The following GSTZ1 variants were observed in gnomAD, a reference collection of about 807,000 sequenced individuals.
GSTZ1 encodes the protein glutathione S-transferase zeta 1.
GSTZ1 carries 34 observed loss-of-function variants against 35.9 expected under a neutral mutation model. The ratio of observed to expected loss-of-function variants is 0.95; its 90% CI spans 0.72 to 1.26. The LOEUF (loss-of-function observed/expected upper bound fraction) is 1.26, where lower values mean the gene tolerates loss of function less well. Among genes scored for constraint, GSTZ1 ranks in the 50% most tolerant of loss-of-function variants. GSTZ1 has a pLI of 0.00. For synonymous variants in GSTZ1, 93 were observed against 101.2 expected, an observed-to-expected ratio of 0.92 and a Z score of 0.49; for missense variants, 263 against 271.7, an observed-to-expected ratio of 0.97 and a Z score of 0.23.
At chr14:77,322,033 A>G (rs539222835) in intron 1 of GSTZ1, among the ~76,000 whole-genome samples, 1 of 152,234 alleles carries the variant, frequency 6.6e-6, no homozygotes, top group African/African-American at 2.4e-5. Flanking sequence ...GCATGTTTTT[A>G]TAAGCGGTCT....
chr14:77,321,534 T>C lies in GSTZ1; in HGVS notation c.15+351T>C, dbSNP rs775091171. The C allele has an allele frequency of 2.3e-4, 306 of 1,304,824 alleles. 1 individual carries two copies. Among genetic ancestry groups the C allele is most frequent in the Non-Finnish European group, 3.8e-5 (39 of 1,013,136 alleles). 80.8% of individuals were successfully genotyped at this position (1,304,824 alleles called of 1,614,324 possible). A position where few individuals can be genotyped will look rare whatever the true frequency, so the allele number is the denominator to read the frequency against. On this transcript the variant is annotated intron_variant, in intron 1 of 8. Coordinates refer to ENST00000216465, the MANE Select transcript of GSTZ1 (RefSeq NM_145870.3). ...CAAGCCTCCCAATTTCTCGCAGCCC[T>C]TCATGCTCTTCTCTTGGCCCTAGCA...
intron 1 of GSTZ1, chr14:77,324,356 A>T: frequency 9.2e-6 from 5 of 540,820 alleles, no homozygotes; most frequent in Non-Finnish European, 1.7e-5. Context: ...CATGTTGGCC[A>T]GGCTGGTCTC....
chr14:77,329,941 C>A, intron 7 of GSTZ1, 134 bp downstream of exon 7: 1 of 723,542 alleles, frequency 1.4e-6, no homozygotes, highest in South Asian at 1.6e-5. Flanking sequence ...CCTCAGCTCA[C>A]TCCCACTAAA....
At chr14:77,328,975 G>C (rs1182931578) in intron 5 of GSTZ1, 148 bp from the exon 6 acceptor site, 5 of 678,404 alleles carry the variant, frequency 7.4e-6, no homozygotes, top group Non-Finnish European at 1.3e-5. Context: ...GCCCTTGGTT[G>C]AAGGAAGGGG....
intron 1 of GSTZ1, chr14:77,322,495 G>A (rs3759733): frequency 0.39 from 228,760 of 585,112 alleles, 46,391 homozygotes; most frequent in East Asian, 0.52. Flanking sequence ...TAGCCATTAG[G>A]TAAGGCATTT....
In GSTZ1 at chr14:77,324,497, C is replaced by T. The variant is rs1025146924; in HGVS notation, c.16-373C>T. ...AAGTTCCCCCAATGCCTGGGTAGCC[C>T]AGCTTCCCCATTGGCTCCTGAAATC... is the stretch of plus-strand genomic sequence containing the variant. On this transcript the variant is annotated intron_variant, in intron 1 of 8. Transcript: ENST00000216465. 1.3e-5 allele frequency: 13 copies of T among 981,458 alleles called. No homozygotes were observed. The South Asian group carries it at 1.6e-4, about 12-fold the overall frequency. The allele number at this position is 981,458 out of a possible 1,614,324, so 60.8% of individuals were successfully genotyped here.
chr14:77,329,093 G>A (rs778518806), intron 5 of GSTZ1, 30 bp from the exon 6 acceptor site: 69 of 1,512,484 alleles, frequency 4.6e-5, no homozygotes, highest in South Asian at 5.6e-5. Context: ...AGCTGTCAGC[G>A]CAATCACAGA....
intron 1 of GSTZ1, chr14:77,322,615 T>A (rs1229578766): frequency 3.0e-6 from 3 of 984,168 alleles, no homozygotes; most frequent in East Asian, 2.3e-4. Context: ...GGAAAGGGAG[T>A]TGCATCTCCA....
chr14:77,324,299 C>T (rs1194767048), intron 1 of GSTZ1: 1 of 416,496 alleles, frequency 2.4e-6, no homozygotes, highest in African/African-American at 2.0e-5. Flanking sequence ...CCCACTACCA[C>T]ACCTGGCTGA....
Position 77,321,149 on chromosome 14 carries a change from G to C in GSTZ1, c.-20G>C, listed in dbSNP as rs1045800653. On this transcript the variant is annotated 5_prime_UTR_variant, in exon 1 of 9. Transcript: ENST00000216465. ...CGCGAAGTTTCTCGGCCTGGAGGAG[G>C]GGGTCGCGCGAAGTGCCAGATGCAG... 1 of 1,454,082 alleles carries C rather than the reference G, an allele frequency of 6.9e-7. No homozygotes were observed. Among genetic ancestry groups the C allele is most frequent in the Non-Finnish European group, 9.1e-7 (1 of 1,097,196 alleles). The allele number at this position is 1,454,082 out of a possible 1,614,324, so 90.1% of individuals were successfully genotyped here.
At chr14:77,328,150 C>T (rs745561666) in intron 5 of GSTZ1, 113 bp downstream of exon 5, 137 of 1,037,570 alleles carry the variant, frequency 1.3e-4, no homozygotes, top group Non-Finnish European at 1.8e-4. Flanking sequence ...GAGGGGGATT[C>T]TCAGGGCCTC....
rs1566676412 is a variant in GSTZ1, at chr14:77,330,374, CG to C, written c.524+16del. ...AATGCTGAAAGGTAAGAGAGAGCCC[CG>C]CCACCCTCCCTTCTCGTGGCTCTGC... On this transcript the variant is annotated intron_variant, in intron 8 of 8. Transcript: ENST00000216465. 1.2e-6 allele frequency: 2 copies of C among 1,602,428 alleles called. No homozygotes were observed. The highest frequency in any genetic ancestry group is 1.7e-4 in the Middle Eastern group (1 of 6,040).
intron 5 of GSTZ1, 112 bp from the exon 6 acceptor site, chr14:77,329,011 T>C: frequency 1.2e-6 from 1 of 806,580 alleles, no homozygotes. Context: ...GGAGAAGGGA[T>C]AGACATCCAG....
Position 77,321,042 on chromosome 14 carries a change from C to A in GSTZ1, c.-127C>A. On this transcript the variant is annotated 5_prime_UTR_variant, in exon 1 of 9. Coordinates refer to ENST00000216465, the MANE Select transcript of GSTZ1 (RefSeq NM_145870.3). ...GGCGACCGGAAGGATCTTTCTAGTC[C>A]AGCCCCTCGCTTTACCCGGACGAAA... 2 of 1,061,780 alleles carry A rather than the reference C, an allele frequency of 1.9e-6. No homozygotes were observed. Among genetic ancestry groups the A allele is most frequent in the African/African-American group, 1.6e-5 (1 of 61,740 alleles). The allele number at this position is 1,061,780 out of a possible 1,614,324, so 65.8% of individuals were successfully genotyped here. A position where few individuals can be genotyped will look rare whatever the true frequency, so the allele number is the denominator to read the frequency against.
In GSTZ1 at chr14:77,327,502, A is replaced by G. The variant is rs144448946; in HGVS notation, c.166A>G (p.Met56Val). Reference protein sequence around the residue: ...FSKDFQALNPMKQVPTLKIDG... With the variant: ...FSKDFQALNPVKQVPTLKIDG... ...TAAGGACTTCCAGGCACTGAATCCT[A>G]TGAAGCAGGTGCCAACCCTGAAGAT... The change falls in exon 4 of 9, where the codon ATG (methionine) becomes GTG (valine). Residue 56 changes from methionine (M) to valine (V), a missense_variant. By Grantham distance (21) the Met-to-Val change is conservative. Coordinates refer to ENST00000216465, the MANE Select transcript of GSTZ1 (RefSeq NM_145870.3). 9.9e-6 allele frequency: 16 copies of G among 1,608,918 alleles called. No individual in the cohort carries two copies. Among genetic ancestry groups the G allele is most frequent in the Non-Finnish European group, 1.4e-5 (16 of 1,177,310 alleles).
intron 8 of GSTZ1, among the ~76,000 whole-genome samples, chr14:77,330,648 G>A (rs1289152993): frequency 6.6e-6 from 1 of 152,132 alleles, no homozygotes; most frequent in Non-Finnish European, 1.5e-5. Context: ...CTCAAATGTG[G>A]TGTGTCTGTG....
intron 1 of GSTZ1, chr14:77,321,421 C>A (rs1436297189): frequency 2.0e-6 from 3 of 1,527,156 alleles, no homozygotes; most frequent in Non-Finnish European, 2.6e-6. Context: ...AGGGTGGAGT[C>A]GCTGTCCGGT....
At chr14:77,322,588 G>A (rs1461302379) in intron 1 of GSTZ1, 11 of 984,546 alleles carry the variant, frequency 1.1e-5, no homozygotes, top group South Asian at 4.7e-5. Flanking sequence ...AGGAGTCCCT[G>A]TAGCCTGGCT....
At position 77,324,896 on chromosome 14, in the gene GSTZ1, C is replaced by T. The variant is rs2139568861; in HGVS notation, c.42C>T (p.Ser14=). The T allele has an allele frequency of 6.2e-7, 1 of 1,614,018 alleles. No individual in the cohort carries two copies. Among genetic ancestry groups the T allele is most frequent in the Non-Finnish European group, 8.5e-7 (1 of 1,179,856 alleles). ...GKPILYSYFR[S]SCSWRVRIAL... ...CCATCCTCTATTCCTATTTCCGAAG[C>T]TCCTGCTCATGGAGAGTTCGAATTG... is the stretch of plus-strand genomic sequence containing the variant. Residue 14 remains serine, a synonymous_variant, in exon 2 of 9, where the codon AGC becomes AGT. Transcript: ENST00000216465.
Sources: allele counts gnomAD v4.1 joint callset (sites outside exome capture counted in the v4.1 genomes callset), GRCh38; gene constraint gnomAD v4.1.1; transcripts MANE v1.5; gene names NCBI Gene and HGNC (gene_info 2026-07-23, HGNC 2026-07-21).